The following IL1RAPL2 variants were observed in gnomAD, a reference collection of about 807,000 sequenced individuals.
IL1RAPL2 encodes interleukin 1 receptor accessory protein like 2.
In IL1RAPL2, 3 loss-of-function variants were observed where a neutral mutation model predicts 44.1. That is an observed-to-expected ratio of 0.07 (90% CI 0.03 to 0.18). The LOEUF (loss-of-function observed/expected upper bound fraction) is 0.18, where lower values mean the gene tolerates loss of function less well. IL1RAPL2 is among the 10% of genes least tolerant of loss of function. The pLI, the probability that IL1RAPL2 is intolerant of heterozygous loss-of-function variation, is 1.00. For missense variants in IL1RAPL2, 391 were observed against 496.4 expected (o/e 0.79, Z 2.02); for synonymous variants, 181 against 178.8 (o/e 1.01, Z -0.10).
At chrX:105,488,306 G>A (rs952480169) in intron 6 of IL1RAPL2, among the ~76,000 whole-genome samples, 1 of 112,236 alleles carries the variant, frequency 8.9e-6, no homozygotes, top group Non-Finnish European at 1.9e-5. Context: ...AAACCACCAT[G>A]CTGTTTGAAG....
At chrX:105,043,354 T>G (rs998634200) in intron 2 of IL1RAPL2, among the ~76,000 whole-genome samples, 1 of 110,451 alleles carries the variant, frequency 9.1e-6, no homozygotes, top group African/African-American at 3.3e-5. Flanking sequence ...ATAGATATGT[T>G]GGCTCACCTG....
chrX:105,520,247 C>T (rs1472933600), intron 6 of IL1RAPL2, among the ~76,000 whole-genome samples: 1 of 112,098 alleles, frequency 8.9e-6, no homozygotes, highest in Non-Finnish European at 1.9e-5. Flanking sequence ...CCAGAGTAAT[C>T]TTTCTTTGTA....
chrX:104,805,210 T>TA (rs1252459621), intron 2 of IL1RAPL2, among the ~76,000 whole-genome samples: 1 of 111,713 alleles, frequency 9.0e-6, no homozygotes, highest in Non-Finnish European at 1.9e-5. Flanking sequence ...ACTGAGAGTA[T>TA]AAAAGCACAT....
chrX:105,090,279 C>T (rs995280748), intron 2 of IL1RAPL2, among the ~76,000 whole-genome samples: 1 of 111,602 alleles, frequency 9.0e-6, no homozygotes, highest in Admixed American at 9.6e-5. Flanking sequence ...ACAGTCACTG[C>T]TCTGTAGAAC....
In IL1RAPL2 at chrX:104,986,725, T is replaced by C. The variant is rs367869381; in HGVS notation, c.83-208750T>C. On this transcript the variant is annotated intron_variant, in intron 2 of 10. Coordinates refer to ENST00000372582, the MANE Select transcript of IL1RAPL2 (RefSeq NM_017416.2). Reference sequence around the variant, plus strand: ...ATGCCCATGAGGCATTTAGATAGAATTGCCACTTAACTCAGTAAAACAACC... The same window carrying C: ...ATGCCCATGAGGCATTTAGATAGAACTGCCACTTAACTCAGTAAAACAACC... Among the ~76,000 whole-genome samples the C allele has an allele frequency of 4.0e-4, 45 of 112,502 alleles. No individual in the cohort carries two copies. In the East Asian group the frequency reaches 5.3e-3, roughly 13 times the overall value.
chrX:105,056,481 T>C (rs768199064), intron 2 of IL1RAPL2, among the ~76,000 whole-genome samples: 11 of 112,089 alleles, frequency 9.8e-5, no homozygotes, highest in African/African-American at 3.6e-4. Flanking sequence ...GTATGATAAT[T>C]ACAGTACCAA....
chrX:104,632,139 A>G (rs1489364138), intron 1 of IL1RAPL2, among the ~76,000 whole-genome samples: 58 of 111,682 alleles, frequency 5.2e-4, no homozygotes, highest in African/African-American at 1.9e-3. Context: ...TTTGTCAAAG[A>G]TCAGATGGTT....
chrX:105,182,591 CT>C (rs1556131578), intron 2 of IL1RAPL2, among the ~76,000 whole-genome samples: 11 of 111,327 alleles, frequency 9.9e-5, no homozygotes, highest in African/African-American at 3.6e-4. Context: ...TTCAACCAGT[CT>C]TTATCTTTTA....
chrX:104,684,221 A>G (rs1187843607), intron 2 of IL1RAPL2, among the ~76,000 whole-genome samples: 2 of 111,685 alleles, frequency 1.8e-5, no homozygotes. Context: ...TGATTTCTCA[A>G]TGGGAATGAC....
chrX:105,600,158 T>C (rs920088488), intron 6 of IL1RAPL2, among the ~76,000 whole-genome samples: 5 of 111,383 alleles, frequency 4.5e-5, no homozygotes, highest in Admixed American at 9.6e-5. Flanking sequence ...TGTAAATTAT[T>C]GCATAGAGTT....
chrX:104,721,572 A>G (rs1477739869), intron 2 of IL1RAPL2, among the ~76,000 whole-genome samples: 1 of 110,677 alleles, frequency 9.0e-6, no homozygotes, highest in Non-Finnish European at 1.9e-5. Flanking sequence ...TAACCAAGGG[A>G]TGCGGGGTTT....
At chrX:105,382,958 G>A (rs1284568994) in intron 5 of IL1RAPL2, among the ~76,000 whole-genome samples, 1 of 78,813 alleles carries the variant, frequency 1.3e-5, no homozygotes, top group South Asian at 1.1e-3. Context: ...ATCACACACT[G>A]GGGCCTGTTG....
intron 4 of IL1RAPL2, among the ~76,000 whole-genome samples, chrX:105,249,601 T>C (rs147286214): frequency 3.1e-4 from 35 of 111,315 alleles, no homozygotes; most frequent in African/African-American, 1.1e-3. Flanking sequence ...ATAACTCATG[T>C]CATCATAAAT....
intron 8 of IL1RAPL2, among the ~76,000 whole-genome samples, chrX:105,745,101 A>T (rs188587191): frequency 4.9e-4 from 55 of 111,555 alleles, no homozygotes; most frequent in African/African-American, 1.7e-3. Flanking sequence ...GCACCAGCAG[A>T]TTCATGTCTG....
chrX:104,969,691 G>T (rs761415470), intron 2 of IL1RAPL2, among the ~76,000 whole-genome samples: 2 of 111,406 alleles, frequency 1.8e-5, no homozygotes, highest in South Asian at 7.5e-4. Context: ...TTAGGCAAAG[G>T]TTATGAGCAG....
intron 3 of IL1RAPL2, among the ~76,000 whole-genome samples, chrX:105,214,327 T>G (rs1292378384): frequency 9.8e-6 from 1 of 102,057 alleles, no homozygotes; most frequent in Non-Finnish European, 1.9e-5. Context: ...AATCCTAGTC[T>G]CTGATAAAAC....
chrX:105,069,664 G>GA (rs762364147), intron 2 of IL1RAPL2, among the ~76,000 whole-genome samples: 1 of 111,371 alleles, frequency 9.0e-6, no homozygotes, highest in Non-Finnish European at 1.9e-5. Flanking sequence ...TCTTGTTTTA[G>GA]AAAAAAAAGT....
chrX:105,303,437 T>C (rs1296683773), intron 5 of IL1RAPL2, among the ~76,000 whole-genome samples: 1 of 111,694 alleles, frequency 9.0e-6, no homozygotes, highest in Non-Finnish European at 1.9e-5. Context: ...GGTTCATAGG[T>C]GAAAGCCACT....
At chrX:104,629,380 C>A (rs1929587647) in intron 1 of IL1RAPL2, among the ~76,000 whole-genome samples, 1 of 110,916 alleles carries the variant, frequency 9.0e-6, no homozygotes, top group Non-Finnish European at 1.9e-5. Context: ...GAGATTGTTT[C>A]TTTCTTTGTG....
Sources: gnomAD v4.1 joint callset for allele counts (sites outside exome capture counted in the v4.1 genomes callset) on GRCh38, gnomAD v4.1.1 for gene constraint, MANE v1.5 for transcripts, NCBI Gene and HGNC (gene_info 2026-07-23, HGNC 2026-07-21) for gene names.